The following PER2 variants were observed in gnomAD, a reference collection of about 807,000 sequenced individuals.
PER2 encodes period circadian protein homolog 2.
PER2 carries 66 observed loss-of-function variants against 121.0 expected under a neutral mutation model. The observed-to-expected ratio is 0.55, with a 90% CI of 0.45 to 0.67. PER2 has a LOEUF of 0.67. Ranked by LOEUF, PER2 falls within the 30% of genes least tolerant of loss-of-function variation. PER2 has a pLI of 0.00. For synonymous variants in PER2, 684 were observed against 659.9 expected (o/e 1.04, Z -0.56); for missense variants, 1,521 against 1,635.0 (o/e 0.93, Z 1.20).
At chr2:238,271,854 C>T (rs1254924461) in intron 5 of PER2, among the ~76,000 whole-genome samples, 1 of 152,158 alleles carries the variant, frequency 6.6e-6, no homozygotes, top group Admixed American at 6.5e-5. Flanking sequence ...CAGAGACATA[C>T]TAGCCCCGAG....
rs1428490757 is a variant in PER2 at position 238,246,434 on chromosome 2, C to T, written c.3709G>A (p.Asp1237Asn). The T allele has an allele frequency of 6.2e-7, 1 of 1,612,130 alleles. No individual in the cohort carries two copies. The highest frequency in any genetic ancestry group is 2.2e-5 in the East Asian group (1 of 44,866). Residue 1237 changes from aspartate to asparagine, a missense_variant, in exon 23 of 23, where the codon GAC becomes AAC. Coordinates refer to ENST00000254657, the MANE Select transcript of PER2 (RefSeq NM_022817.3). ...IPSLGLSEVS[D>N]TKEDENGSPL... ...GATCCATTTTCGTCTTCTTTGGTGTCCGACACTTCGCTGAGTCCCAGAGAA... is the reference window on the plus strand; with the variant it reads ...GATCCATTTTCGTCTTCTTTGGTGTTCGACACTTCGCTGAGTCCCAGAGAA...
chr2:238,286,211 C>T (rs2106333569), intron 1 of PER2, among the ~76,000 whole-genome samples: 1 of 152,344 alleles, frequency 6.6e-6, no homozygotes, highest in African/African-American at 2.4e-5. Flanking sequence ...GCAGGAAGCT[C>T]AGGCATCTGC....
intron 5 of PER2, 110 bp from the exon 6 acceptor site, chr2:238,271,623 G>C (rs1207190035): frequency 2.5e-6 from 2 of 811,172 alleles, no homozygotes; most frequent in Admixed American, 3.9e-5. Context: ...GTTGGAGGTG[G>C]GGGGCTCTCT....
chr2:238,284,771 G>A (rs904336149), intron 1 of PER2, among the ~76,000 whole-genome samples: 1 of 152,250 alleles, frequency 6.6e-6, no homozygotes, highest in Admixed American at 6.5e-5. Flanking sequence ...TTTTTGCAAA[G>A]AGGGTAGAGT....
At position 238,253,493 on chromosome 2, in the gene PER2, C is replaced by G. The variant is rs138292908; in HGVS notation, c.2530G>C (p.Val844Leu). Residue 844 changes from valine (V) to leucine (L), a missense_variant, in exon 19 of 23, where the codon GTG becomes CTG. Transcript: ENST00000254657. The surrounding 1 kb of genome is among the most constrained non-coding windows in gnomAD (Gnocchi z 5.6). ...GCTGGCACTGGGGCGGGAAAGGGCA[C>G]GGCTGGGCAGCTGGACTGGGACGTG... is the stretch of plus-strand genomic sequence containing the variant. Reference protein sequence around the residue: ...SDTSQSSCPAVPFPAPVPAAY... With the variant: ...SDTSQSSCPALPFPAPVPAAY... 4 of 1,612,204 alleles carry G rather than the reference C, an allele frequency of 2.5e-6. No individual in the cohort carries two copies. Among genetic ancestry groups the G allele is most frequent in the Middle Eastern group, 3.3e-4 (2 of 5,980 alleles).
At position 238,250,842 on chromosome 2, in the gene PER2, A is replaced by G; in HGVS notation, c.3275-99T>C. 6.0e-6 allele frequency: 5 copies of G among 827,704 alleles called. No homozygotes were observed. In the South Asian group the frequency reaches 7.2e-5, roughly 12 times the overall value. The allele number at this position is 827,704 out of a possible 1,614,324, so 51.3% of individuals were successfully genotyped here. On this transcript the variant is annotated intron_variant, in intron 20 of 22. Transcript: ENST00000254657. The stretch of plus-strand genomic sequence containing the variant: ...AAGTCAGAATGATTTGAGAGAGCCC[A>G]GTGCCTTCTTAGGTATTGGGTATCT...
chr2:238,265,904 A>AT (rs759618918), intron 8 of PER2, among the ~76,000 whole-genome samples: 3,116 of 140,714 alleles, frequency 0.022, 101 homozygotes, highest in African/African-American at 0.066. Context: ...CATCTTTACG[A>AT]TTTTTTTTTT....
At chr2:238,295,769 G>A in the PER2 span, 2 of 161,348 alleles carry the variant, frequency 1.2e-5, no homozygotes, top group South Asian at 1.6e-4. Context: ...GAAATTGGGA[G>A]ACACCCTACC....
chr2:238,271,943 A>T, intron 5 of PER2, among the ~76,000 whole-genome samples: 1 of 152,076 alleles, frequency 6.6e-6, no homozygotes, highest in East Asian at 1.9e-4. Flanking sequence ...GCCCCGCCAT[A>T]AACTTCTCCA....
intron 1 of PER2, among the ~76,000 whole-genome samples, chr2:238,279,665 T>C (rs1696570747): frequency 6.6e-6 from 1 of 152,308 alleles, no homozygotes; most frequent in South Asian, 2.1e-4. Context: ...TGAAACATCT[T>C]ATGCTCCAGT....
intron 14 of PER2, among the ~76,000 whole-genome samples, 156 bp downstream of exon 14, chr2:238,259,813 T>C (rs1423165063): frequency 6.6e-6 from 1 of 152,220 alleles, no homozygotes; most frequent in Admixed American, 6.5e-5. Context: ...TCTCGCCTCT[T>C]GGAAGCTGCA....
At chr2:238,279,372 C>G (rs1191094465) in intron 1 of PER2, among the ~76,000 whole-genome samples, 2 of 152,196 alleles carry the variant, frequency 1.3e-5, no homozygotes, top group African/African-American at 4.8e-5. Flanking sequence ...CGCAGGAGAT[C>G]GTTCTACGGA....
chr2:238,295,900 C>T, the PER2 span: 1 of 219,258 alleles, frequency 4.6e-6, no homozygotes, highest in Non-Finnish European at 9.3e-6. Flanking sequence ...GCCACCCACA[C>T]CCGGGGAACT....
In PER2 at chr2:238,245,901, A is replaced by G. The variant is rs1326434522; in HGVS notation, c.*474T>C. 5.6e-6 allele frequency: 2 copies of G among 357,562 alleles called. No individual in the cohort carries two copies. The highest frequency in any genetic ancestry group is 9.9e-6 in the Non-Finnish European group (2 of 201,256). 22.1% of individuals were successfully genotyped at this position (357,562 alleles called of 1,614,324 possible). A position where few individuals can be genotyped will look rare whatever the true frequency, so the allele number is the denominator to read the frequency against. ...ATCTCCATTTGGTATGTATAAAAAA[A>G]CACTCTACCTTGACTAAATGATAAT... On this transcript the variant is annotated 3_prime_UTR_variant, in exon 23 of 23. Transcript: ENST00000254657.
intron 21 of PER2, 117 bp from the exon 22 acceptor site, chr2:238,249,329 T>TA (rs1695536975): frequency 3.7e-6 from 4 of 1,080,138 alleles, no homozygotes; most frequent in South Asian, 1.4e-5. Context: ...TCCTTTTCTT[T>TA]AAAAAAATTT....
intron 1 of PER2, 131 bp from the exon 2 acceptor site, chr2:238,278,086 G>GTCTC (rs778225399): frequency 3.2e-6 from 3 of 935,846 alleles, no homozygotes; most frequent in East Asian, 2.8e-5. Flanking sequence ...TCTTCTCTCT[G>GTCTC]TCTCTCTCTC....
the PER2 span, chr2:238,295,850 G>T: frequency 5.1e-6 from 1 of 195,442 alleles, no homozygotes; most frequent in Non-Finnish European, 1.1e-5. Context: ...GTGGACTGTT[G>T]GGGTGCACAG....
rs370324291 is a variant in PER2, at chr2:238,271,600, G to A, written c.571-87C>T. ...TCAGGCAGGCAGGCTGGAGGGAGCC[G>A]CCCACCAGGAGCGTTGGAGGTGGGG... On this transcript the variant is annotated intron_variant, in intron 5 of 22. Coordinates refer to ENST00000254657, the MANE Select transcript of PER2 (RefSeq NM_022817.3). 1,182 of 1,014,218 alleles carry A rather than the reference G, an allele frequency of 1.2e-3. 19 individuals carry two copies. The South Asian group carries it at 0.015, about 13-fold the overall frequency. The allele number at this position is 1,014,218 out of a possible 1,614,324, so 62.8% of individuals were successfully genotyped here.
At chr2:238,260,559 A>G (rs1020516224) in intron 13 of PER2, among the ~76,000 whole-genome samples, 5 of 152,074 alleles carry the variant, frequency 3.3e-5, no homozygotes, top group African/African-American at 9.7e-5. Context: ...CCCAGCCCAC[A>G]TTTTCTTCTT....
Sources: gnomAD v4.1 joint callset for allele counts (sites outside exome capture counted in the v4.1 genomes callset) on GRCh38, gnomAD v4.1.1 for gene constraint, Gnocchi (gnomAD v3.1) non-coding constraint, MANE v1.5 for transcripts, NCBI Gene and HGNC (gene_info 2026-07-23, HGNC 2026-07-21) for gene names.